The following COX15 variants were observed in gnomAD, a reference collection of about 807,000 sequenced individuals.
COX15 encodes the protein cytochrome c oxidase assembly factor COX15, also known as heme A synthase COX15.
In COX15, 51 loss-of-function variants were observed where a neutral mutation model predicts 51.9. The ratio of observed to expected loss-of-function variants is 0.98; its 90% CI spans 0.78 to 1.24. COX15 has a LOEUF of 1.24. Among genes scored for constraint, COX15 ranks in the 50% most tolerant of loss-of-function variants. COX15 has a pLI of 0.00. For synonymous variants in COX15, 188 were observed against 190.5 expected (o/e 0.99, Z 0.11); for missense variants, 420 against 501.1 (o/e 0.84, Z 1.55).
Position 99,714,483 on chromosome 10 carries a change from C to T in COX15, c.*104G>A, listed in dbSNP as rs1287317937. 6.3e-7 allele frequency: 1 copy of T among 1,590,174 alleles called. No homozygotes were observed. Among genetic ancestry groups the T allele is most frequent in the African/African-American group, 1.3e-5 (1 of 74,592 alleles). On this transcript the variant is annotated 3_prime_UTR_variant, in exon 9 of 9. Transcript: ENST00000016171. ...TTTAAGTAAGTTGACCATTTGGAAA[C>T]CACTTGGTATGTCAAGGTCATCTCG...
At chr10:99,721,308 C>CT (rs1307572501) in intron 5 of COX15, among the ~76,000 whole-genome samples, 1 of 152,192 alleles carries the variant, frequency 6.6e-6, no homozygotes, top group Non-Finnish European at 1.5e-5. Flanking sequence ...GAACTGCCAT[C>CT]TTTTTTACTA....
At chr10:99,718,201 A>G (rs2036635954) in intron 7 of COX15, 145 bp downstream of exon 7, 2 of 911,356 alleles carry the variant, frequency 2.2e-6, no homozygotes, top group South Asian at 2.9e-5. Flanking sequence ...AGATTAGAGA[A>G]ATGGTCCTAA....
chr10:99,707,291 T>G (rs2036272383), downstream of COX15, among the ~76,000 whole-genome samples: 1 of 152,204 alleles, frequency 6.6e-6, no homozygotes, highest in African/African-American at 2.4e-5. Context: ...GTCATATCCC[T>G]CAGAAGAACT....
the COX15 span, chr10:99,702,747 CT>C: frequency 0.044 from 45,715 of 1,037,440 alleles, no homozygotes; most frequent in South Asian, 0.065. Flanking sequence ...CGGTTTCTTT[CT>C]TTTTTTTTTT....
chr10:99,695,630 C>T, the COX15 span, among the ~76,000 whole-genome samples: 2 of 151,968 alleles, frequency 1.3e-5, no homozygotes, highest in South Asian at 4.1e-4. Context: ...TAAAATAACA[C>T]ATTCCCATTG....
At chr10:99,723,268 G>T (rs141071070) in intron 5 of COX15, among the ~76,000 whole-genome samples, 1 of 151,624 alleles carries the variant, frequency 6.6e-6, no homozygotes, top group Admixed American at 6.6e-5. Flanking sequence ...TCAGCCTCTC[G>T]AGTAGCTGGG....
At chr10:99,724,541 T>G (rs1367496104) in intron 4 of COX15, among the ~76,000 whole-genome samples, 3 of 151,828 alleles carry the variant, frequency 2.0e-5, no homozygotes, top group Non-Finnish European at 2.9e-5. Context: ...CCACCCCTCC[T>G]CTTTCCATAC....
chr10:99,729,744 A>C lies in COX15; in HGVS notation c.91-10T>G, dbSNP rs1359953580. On this transcript the variant is annotated splice_polypyrimidine_tract_variant and intron_variant, in intron 1 of 8. Coordinates refer to ENST00000016171, the MANE Select transcript of COX15 (RefSeq NM_078470.6). ...GCCTGATGCAATCACACTAAAGATC[A>C]AGATAGACAAATTACAACTGGAGAA... 6.2e-7 allele frequency: 1 copy of C among 1,613,798 alleles called. No homozygotes were observed. The highest frequency in any genetic ancestry group is 8.5e-7 in the Non-Finnish European group (1 of 1,179,930).
chr10:99,721,896 C>T (rs986859809), intron 5 of COX15, among the ~76,000 whole-genome samples: 7 of 151,968 alleles, frequency 4.6e-5, no homozygotes, highest in Non-Finnish European at 8.8e-5. Context: ...TTTTTTCTCA[C>T]TTTGTCGCCC....
At chr10:99,730,949 A>C (rs968967460) in intron 1 of COX15, among the ~76,000 whole-genome samples, 1 of 152,134 alleles carries the variant, frequency 6.6e-6, no homozygotes, top group Non-Finnish European at 1.5e-5. Flanking sequence ...TTAGCTACTT[A>C]AGTGACTGAG....
chr10:99,701,760 TA>T, the COX15 span, among the ~76,000 whole-genome samples: 2 of 151,986 alleles, frequency 1.3e-5, no homozygotes, highest in Non-Finnish European at 2.9e-5. Context: ...AAAAATTGTT[TA>T]AAATTGCCGG....
At chr10:99,718,314 C>A in intron 7 of COX15, 32 bp downstream of exon 7, 1 of 1,613,422 alleles carries the variant, frequency 6.2e-7, no homozygotes, top group Admixed American at 1.7e-5. Context: ...GGCTCCTGTG[C>A]TCTCTGGCAG....
Position 99,732,114 on chromosome 10 carries a change from A to C in COX15, c.-65T>G. On this transcript the variant is annotated 5_prime_UTR_variant, in exon 1 of 9. Transcript: ENST00000016171. ...GCTCTGTGGTCTCCCTCCTCCGCCA[A>C]GGAAAAGAGAAGCACTTCCGGGTCG... 1.3e-6 allele frequency: 2 copies of C among 1,572,258 alleles called. No individual in the cohort carries two copies. Among genetic ancestry groups the C allele is most frequent in the Non-Finnish European group, 1.7e-6 (2 of 1,158,332 alleles).
At chr10:99,716,124 T>C (rs777273795) in intron 8 of COX15, among the ~76,000 whole-genome samples, 13 of 151,890 alleles carry the variant, frequency 8.6e-5, no homozygotes, top group Non-Finnish European at 1.6e-4. Flanking sequence ...CCCAAGTAGT[T>C]TGGACTACAG....
At chr10:99,702,462 A>C in the COX15 span, 1 of 1,461,136 alleles carries the variant, frequency 6.8e-7, no homozygotes, top group Non-Finnish European at 9.1e-7. Flanking sequence ...AAAGGAAAGT[A>C]TTAGAATTCT....
chr10:99,723,874 T>C lies in COX15; in HGVS notation c.750+82A>G, dbSNP rs2036856946. ...GGCAAAATATTCAACTCCTATATGA[T>C]CCAGCAATTCTACTTCTAGATATAT... On this transcript the variant is annotated intron_variant, in intron 5 of 8. Transcript: ENST00000016171. 7 of 1,487,570 alleles carry C rather than the reference T, an allele frequency of 4.7e-6. No homozygotes were observed. The East Asian group carries it at 1.4e-4, about 29-fold the overall frequency. The allele number at this position is 1,487,570 out of a possible 1,614,324, so 92.1% of individuals were successfully genotyped here.
chr10:99,711,246 C>G lies in COX15; in HGVS notation c.*3341G>C. The G allele has an allele frequency of 2.0e-6, 2 of 985,332 alleles. No homozygotes were observed. Among genetic ancestry groups the G allele is most frequent in the Non-Finnish European group, 2.4e-6 (2 of 829,874 alleles). The allele number at this position is 985,332 out of a possible 1,614,324, so 61.0% of individuals were successfully genotyped here. ...GTAAAACATCTGAAACCTTAACTTA[C>G]TCATGAGTTGCTACTTCCTTGGAGG... On this transcript the variant is annotated 3_prime_UTR_variant, in exon 9 of 9. Coordinates refer to ENST00000016171, the MANE Select transcript of COX15 (RefSeq NM_078470.6).
intron 4 of COX15, among the ~76,000 whole-genome samples, chr10:99,724,495 T>C (rs1361680709): frequency 6.6e-6 from 1 of 152,132 alleles, no homozygotes; most frequent in African/African-American, 2.4e-5. Context: ...TGTTCAACTT[T>C]ACTGAGGAAA....
At chr10:99,717,488 G>C (rs1471126661) in intron 7 of COX15, among the ~76,000 whole-genome samples, 5 of 152,172 alleles carry the variant, frequency 3.3e-5, no homozygotes, top group Non-Finnish European at 4.4e-5. Flanking sequence ...TGGGATTACA[G>C]GCATGAGCCA....
Sources: allele counts gnomAD v4.1 joint callset (sites outside exome capture counted in the v4.1 genomes callset), GRCh38; gene constraint gnomAD v4.1.1; transcripts MANE v1.5; gene names NCBI Gene and HGNC (gene_info 2026-07-23, HGNC 2026-07-21).